Variants in ZNF407 observed in about 807,000 individuals in gnomAD.
The protein encoded by ZNF407 is zinc finger protein 407.
ZNF407 carries 17 observed loss-of-function variants against 131.2 expected under a neutral mutation model. That is an observed-to-expected ratio of 0.13 (90% confidence interval 0.09 to 0.19). The LOEUF is 0.19. Among genes scored for constraint, ZNF407 ranks in the 10% least tolerant of loss-of-function variants. The pLI is 1.00. For synonymous variants in ZNF407, 1,156 were observed against 1,062.0 expected, an observed-to-expected ratio of 1.09 and a Z score of -1.72; for missense variants, 2,681 against 2,830.6, an observed-to-expected ratio of 0.95 and a Z score of 1.20.
At chr18:74,857,829 A>T (rs1335893467) in intron 4 of ZNF407, among the ~76,000 whole-genome samples, 1 of 151,818 alleles carries the variant, frequency 6.6e-6, no homozygotes, top group Non-Finnish European at 1.5e-5. Context: ...ATCTTATGAT[A>T]TCTCTTTGTG....
chr18:74,991,132 C>G (rs2122137326), intron 8 of ZNF407, among the ~76,000 whole-genome samples: 2 of 152,250 alleles, frequency 1.3e-5, no homozygotes, highest in Middle Eastern at 3.4e-3. Flanking sequence ...ATTTAATTAC[C>G]TGCTTATAAC....
chr18:74,876,766 C>T (rs529100899), intron 4 of ZNF407, among the ~76,000 whole-genome samples: 4 of 152,296 alleles, frequency 2.6e-5, no homozygotes, highest in African/African-American at 9.6e-5. Context: ...GCAAGGCCGC[C>T]GGGTGCATGC....
chr18:74,691,295 A>C (rs1179374265), intron 3 of ZNF407, among the ~76,000 whole-genome samples: 1 of 151,960 alleles, frequency 6.6e-6, no homozygotes, highest in South Asian at 2.1e-4. Flanking sequence ...AAAAATAATA[A>C]TAAATAATAA....
In ZNF407 at chr18:74,755,885, C is replaced by CTTTTTTTTTTTTTTTTTTTT. The variant is rs34750560; in HGVS notation, c.4803-25536_4803-25517dup. ...CCTTCCTTCCTTCCTCTTTTCCTTC[C>CTTTTTTTTTTTTTTTTTTTT]TTTTTTTTTTTTTTTTTTTTTTTTT... On this transcript the variant is annotated intron_variant, in intron 3 of 8. Transcript: ENST00000299687. Among the ~76,000 whole-genome samples the CTTTTTTTTTTTTTTTTTTTT allele has an allele frequency of 7.7e-5, 2 of 25,822 alleles. 1 individual carries two copies. The highest frequency in any genetic ancestry group is 1.2e-4 in the Non-Finnish European group (2 of 16,794). The allele number at this position is 25,822 out of a possible 152,430, so 16.9% of individuals were successfully genotyped here.
intron 3 of ZNF407, among the ~76,000 whole-genome samples, chr18:74,693,230 T>C (rs526162): frequency 0.99 from 150,408 of 152,336 alleles, 74,280 homozygotes; most frequent in Middle Eastern, 1. Flanking sequence ...TGCTTTATGA[T>C]CTCAGCTTTC....
At chr18:74,926,569 C>T (rs1971916795) in intron 8 of ZNF407, among the ~76,000 whole-genome samples, 1 of 152,134 alleles carries the variant, frequency 6.6e-6, no homozygotes, top group Non-Finnish European at 1.5e-5. Flanking sequence ...GTTGGCTGGC[C>T]AAGGCAAGCA....
At chr18:74,986,160 A>G (rs1332698962) in intron 8 of ZNF407, among the ~76,000 whole-genome samples, 4 of 152,100 alleles carry the variant, frequency 2.6e-5, no homozygotes, top group African/African-American at 9.7e-5. Context: ...GTTTCACCAT[A>G]AGACAGACTT....
chr18:74,980,917 G>T (rs984696687), intron 8 of ZNF407, among the ~76,000 whole-genome samples: 3 of 152,144 alleles, frequency 2.0e-5, no homozygotes, highest in Admixed American at 6.5e-5. Context: ...CTGGGGATTG[G>T]AGTATTTTTG....
chr18:74,683,624 A>C (rs759262962), intron 3 of ZNF407, among the ~76,000 whole-genome samples: 2 of 152,204 alleles, frequency 1.3e-5, no homozygotes, highest in Non-Finnish European at 2.9e-5. Context: ...TGAATGAATG[A>C]ATCACACTTG....
chr18:74,791,352 A>G (rs1455494992), intron 4 of ZNF407, among the ~76,000 whole-genome samples: 2 of 152,272 alleles, frequency 1.3e-5, no homozygotes, highest in Non-Finnish European at 2.9e-5. Context: ...ATGTCAATAT[A>G]AAGATCTGCT....
chr18:74,929,973 A>G (rs1027470089), intron 8 of ZNF407, among the ~76,000 whole-genome samples: 2 of 152,236 alleles, frequency 1.3e-5, no homozygotes, highest in Non-Finnish European at 2.9e-5. Context: ...CCAAATGTTA[A>G]CATCAAACAT....
intron 4 of ZNF407, among the ~76,000 whole-genome samples, chr18:74,794,143 G>T (rs1000575965): frequency 5.3e-5 from 8 of 152,198 alleles, no homozygotes; most frequent in African/African-American, 1.9e-4. Context: ...TTCTCTCCGG[G>T]TGAGAACAGT....
chr18:74,980,653 T>C (rs1568290294), intron 8 of ZNF407, among the ~76,000 whole-genome samples: 1 of 152,106 alleles, frequency 6.6e-6, no homozygotes, highest in African/African-American at 2.4e-5. Context: ...TACTAAGAAT[T>C]AGAAATCCTC....
intron 3 of ZNF407, among the ~76,000 whole-genome samples, chr18:74,701,153 T>C (rs1445005681): frequency 2.0e-5 from 3 of 152,050 alleles, no homozygotes; most frequent in Non-Finnish European, 2.9e-5. Flanking sequence ...CGCCCAGGCT[T>C]GCAGATGGTG....
chr18:74,831,854 T>C (rs921318255), intron 4 of ZNF407, among the ~76,000 whole-genome samples: 39 of 152,276 alleles, frequency 2.6e-4, no homozygotes, highest in Non-Finnish European at 5.1e-4. Flanking sequence ...GGGGCCTCCC[T>C]GTGCTCCTGA....
intron 1 of ZNF407, among the ~76,000 whole-genome samples, chr18:74,626,211 T>C (rs1401764508): frequency 2.6e-5 from 4 of 152,182 alleles, no homozygotes; most frequent in Non-Finnish European, 4.4e-5. Flanking sequence ...AAGACTGATA[T>C]CAAGTGTTGG....
chr18:74,619,550 C>T (rs1262460062), intron 1 of ZNF407, among the ~76,000 whole-genome samples: 2 of 152,110 alleles, frequency 1.3e-5, no homozygotes, highest in Non-Finnish European at 2.9e-5. Flanking sequence ...TTTTTTATGG[C>T]TGCTTTATAA....
At chr18:75,024,438 TGTG>T (rs1364828806) in intron 8 of ZNF407, among the ~76,000 whole-genome samples, 1 of 152,216 alleles carries the variant, frequency 6.6e-6, no homozygotes. Flanking sequence ...AGGGAAATAA[TGTG>T]GTGTGAAATT....
At chr18:74,723,229 G>A (rs1214865376) in intron 3 of ZNF407, among the ~76,000 whole-genome samples, 1 of 152,098 alleles carries the variant, frequency 6.6e-6, no homozygotes, top group African/African-American at 2.4e-5. Context: ...CATTAGCTAT[G>A]ATTATAGCAT....
Sources: allele counts gnomAD v4.1 joint callset (sites outside exome capture counted in the v4.1 genomes callset), GRCh38; gene constraint gnomAD v4.1.1; transcripts MANE v1.5; gene names NCBI Gene and HGNC (gene_info 2026-07-23, HGNC 2026-07-21).